The following DIPK1A variants were observed in gnomAD, a reference collection of about 807,000 sequenced individuals.
DIPK1A encodes the protein divergent protein kinase domain 1A, also known as family with sequence similarity 69 member A.
DIPK1A carries 27 observed loss-of-function variants against 40.8 expected under a neutral mutation model. That is an observed-to-expected ratio of 0.66 (90% CI 0.49 to 0.91). DIPK1A has a LOEUF of 0.91. Ranked by LOEUF, DIPK1A falls within the 40% of genes least tolerant of loss-of-function variation. DIPK1A has a pLI of 0.00. For missense variants in DIPK1A, 412 were observed against 505.7 expected (o/e 0.81, Z 1.78); for synonymous variants, 166 against 171.3 (o/e 0.97, Z 0.24).
At chr1:92,929,353 T>C (rs1304840209) in intron 1 of DIPK1A, among the ~76,000 whole-genome samples, 1 of 152,238 alleles carries the variant, frequency 6.6e-6, no homozygotes, top group Non-Finnish European at 1.5e-5. Flanking sequence ...CTGAAAGCTC[T>C]TCTCCATTCT....
chr1:92,931,737 C>T, intron 1 of DIPK1A: 1 of 167,054 alleles, frequency 6.0e-6, no homozygotes, highest in Non-Finnish European at 1.3e-5. Flanking sequence ...ATTCTTCATG[C>T]AAGAACGTAT....
chr1:92,905,852 T>C (rs1243032669), intron 1 of DIPK1A, among the ~76,000 whole-genome samples: 2 of 152,148 alleles, frequency 1.3e-5, no homozygotes, highest in African/African-American at 4.8e-5. Flanking sequence ...GATATCCAGT[T>C]TTCTCAGGAC....
chr1:92,851,542 C>CAAAAAAAAAAAAA (rs59664439), intron 2 of DIPK1A, among the ~76,000 whole-genome samples: 1 of 34,780 alleles, frequency 2.9e-5, no homozygotes, highest in African/African-American at 1.1e-4. Context: ...GACCCTATCT[C>CAAAAAAAAAAAAA]AAAAAAAAAA....
chr1:92,961,039 G>A (rs1203126283), intron 1 of DIPK1A, among the ~76,000 whole-genome samples: 1 of 152,182 alleles, frequency 6.6e-6, no homozygotes, highest in Non-Finnish European at 1.5e-5. Context: ...GCCTGGAGCG[G>A]CGCAGGGCTG....
intron 4 of DIPK1A, among the ~76,000 whole-genome samples, chr1:92,834,351 A>G (rs182708460): frequency 7.3e-4 from 111 of 152,324 alleles, no homozygotes; most frequent in Non-Finnish European, 1.2e-3. Context: ...TTGCTCTTGT[A>G]CTAAGAGCAT....
In DIPK1A at chr1:92,846,813, A is replaced by ATATGTGTGTG. The variant is rs1553123758; in HGVS notation, c.474+369_474+370insCACACACATA. Among the ~76,000 whole-genome samples the ATATGTGTGTG allele has an allele frequency of 6.0e-3, 22 of 3,650 alleles. 4 individuals carry two copies. The highest frequency in any genetic ancestry group is 0.038 in the South Asian group (1 of 26). The allele number at this position is 3,650 out of a possible 152,430, so 2.4% of individuals were successfully genotyped here. ...CTGGCATATATATATATATATATAT[A>ATATGTGTGTG]TATATATATATATATATATATATAT... On this transcript the variant is annotated intron_variant, in intron 4 of 4. Coordinates refer to ENST00000370310, the MANE Select transcript of DIPK1A (RefSeq NM_001006605.5).
At chr1:92,837,066 A>AG (rs1687158942) in intron 4 of DIPK1A, 31 of 327,270 alleles carry the variant, frequency 9.5e-5, no homozygotes, top group South Asian at 8.1e-4. Context: ...AAGTACACCA[A>AG]GAGCATTCTC....
intron 2 of DIPK1A, among the ~76,000 whole-genome samples, chr1:92,854,501 G>T (rs1481088374): frequency 1.3e-5 from 2 of 152,188 alleles, no homozygotes; most frequent in Non-Finnish European, 2.9e-5. Context: ...CTTACAGTTT[G>T]CTTGGAGGAT....
At chr1:92,837,493 G>C, downstream of DIPK1A, 1 of 1,613,114 alleles carries the variant, frequency 6.2e-7, no homozygotes, top group Non-Finnish European at 8.5e-7. Context: ...TGAAAGCAAG[G>C]AATTTAATGC....
chr1:92,867,022 A>G (rs948987622), intron 2 of DIPK1A, among the ~76,000 whole-genome samples: 1 of 152,154 alleles, frequency 6.6e-6, no homozygotes, highest in Non-Finnish European at 1.5e-5. Context: ...TATAACAATA[A>G]TAACTTACTG....
At chr1:92,892,943 G>A (rs1365744497) in intron 1 of DIPK1A, among the ~76,000 whole-genome samples, 3 of 152,042 alleles carry the variant, frequency 2.0e-5, no homozygotes, top group African/African-American at 7.3e-5. Context: ...CAGGAGAGAC[G>A]TTTAGAGAAA....
chr1:92,835,045 T>G (rs982319915), intron 4 of DIPK1A: 21 of 1,281,314 alleles, frequency 1.6e-5, no homozygotes, highest in Non-Finnish European at 2.0e-5. Flanking sequence ...GTTTTCTGCT[T>G]TGTTAATGGA....
intron 1 of DIPK1A, among the ~76,000 whole-genome samples, chr1:92,928,649 A>G (rs1650615307): frequency 6.6e-6 from 1 of 152,200 alleles, no homozygotes; most frequent in African/African-American, 2.4e-5. Flanking sequence ...TCATTCCTGA[A>G]GACTAGTTTT....
At chr1:92,929,839 T>A (rs1233527412) in intron 1 of DIPK1A, among the ~76,000 whole-genome samples, 1 of 152,224 alleles carries the variant, frequency 6.6e-6, no homozygotes, top group Non-Finnish European at 1.5e-5. Context: ...TTCCAGAGGT[T>A]CATCTTCATC....
At chr1:92,841,075 C>CT (rs1687345604), downstream of DIPK1A, among the ~76,000 whole-genome samples, 1 of 152,204 alleles carries the variant, frequency 6.6e-6, no homozygotes, top group African/African-American at 2.4e-5. Flanking sequence ...AATTTATTCT[C>CT]TTAATTGTGA....
intron 2 of DIPK1A, among the ~76,000 whole-genome samples, chr1:92,854,659 T>C (rs1409183487): frequency 3.9e-5 from 6 of 152,264 alleles, no homozygotes. Context: ...CAGATCTGTC[T>C]GTAGCTAAGA....
chr1:92,906,294 T>A (rs1649620204), intron 1 of DIPK1A, among the ~76,000 whole-genome samples: 1 of 152,174 alleles, frequency 6.6e-6, no homozygotes, highest in Non-Finnish European at 1.5e-5. Context: ...CAAAGAAATA[T>A]TAAATCAGAG....
At chr1:92,945,652 T>C (rs1321293037) in intron 1 of DIPK1A, among the ~76,000 whole-genome samples, 1 of 152,128 alleles carries the variant, frequency 6.6e-6, no homozygotes, top group East Asian at 1.9e-4. Context: ...CTCACTCCTT[T>C]TCTATTTTCT....
intron 4 of DIPK1A, 73 bp from the exon 5 acceptor site, chr1:92,844,268 G>T: frequency 1.1e-6 from 1 of 921,926 alleles, no homozygotes; most frequent in Non-Finnish European, 1.6e-6. Flanking sequence ...GTTTCTTTAC[G>T]GGCATTATTA....
Sources: gnomAD v4.1 joint callset for allele counts (sites outside exome capture counted in the v4.1 genomes callset) on GRCh38, gnomAD v4.1.1 for gene constraint, MANE v1.5 for transcripts, NCBI Gene and HGNC (gene_info 2026-07-23, HGNC 2026-07-21) for gene names.